Variants in NFAM1 observed in about 807,000 individuals in gnomAD.
NFAM1 encodes NFAT activating protein with ITAM motif 1, also known as NFAT activation molecule 1.
A neutral mutation model predicts 29.0 loss-of-function variants in NFAM1; 17 were observed. The ratio of observed to expected loss-of-function variants is 0.59; its 90% CI spans 0.40 to 0.88. The LOEUF (loss-of-function observed/expected upper bound fraction) is 0.88. Ranked by LOEUF, NFAM1 falls within the 40% of genes least tolerant of loss-of-function variation. The pLI is 0.00. For missense variants in NFAM1, 324 were observed against 344.6 expected, an observed-to-expected ratio of 0.94 and a Z score of 0.47; for synonymous variants, 175 against 147.2, an observed-to-expected ratio of 1.19 and a Z score of -1.36.
rs927558634 is a variant in NFAM1 at position 42,400,755 on chromosome 22, C to T, written c.565-2799G>A. ...CTGCACCACCTGCTTCTTGAGGGCA[C>T]CGTCACAGTCAGAGGTAGTGGTCTG... On this transcript the variant is annotated intron_variant, in intron 3 of 5. Coordinates refer to ENST00000329021, the MANE Select transcript of NFAM1 (RefSeq NM_145912.8). Among the ~76,000 whole-genome samples the T allele has an allele frequency of 2.6e-5, 4 of 152,364 alleles. No homozygotes were observed. In the East Asian group the frequency reaches 7.7e-4, roughly 29 times the overall value.
chr22:42,429,062 G>C (rs867745825), intron 1 of NFAM1, among the ~76,000 whole-genome samples: 1 of 152,184 alleles, frequency 6.6e-6, no homozygotes, highest in Non-Finnish European at 1.5e-5. Context: ...CAAGTGGGAG[G>C]AGGAGGATGG....
intron 1 of NFAM1, among the ~76,000 whole-genome samples, chr22:42,430,695 G>A (rs1447589084): frequency 6.6e-6 from 1 of 152,122 alleles, no homozygotes; most frequent in Non-Finnish European, 1.5e-5. Flanking sequence ...AATACCGGGT[G>A]GGAGGGGGTG....
chr22:42,397,429 G>A (rs945536568), intron 4 of NFAM1, among the ~76,000 whole-genome samples: 1 of 152,222 alleles, frequency 6.6e-6, no homozygotes, highest in Non-Finnish European at 1.5e-5. Flanking sequence ...ACAAATCACT[G>A]ATGTGTTAAG....
intron 1 of NFAM1, among the ~76,000 whole-genome samples, chr22:42,423,224 G>A (rs998050872): frequency 6.6e-6 from 1 of 151,944 alleles, no homozygotes; most frequent in African/African-American, 2.4e-5. Context: ...GCCAGGCCCT[G>A]CCACCAGGAA....
intron 3 of NFAM1, among the ~76,000 whole-genome samples, chr22:42,408,097 T>C (rs988942155): frequency 1.3e-5 from 2 of 152,032 alleles, no homozygotes; most frequent in African/African-American, 2.4e-5. Flanking sequence ...TTTTGCCATG[T>C]TGGCCAGGCT....
chr22:42,395,284 G>A (rs1929482440), intron 4 of NFAM1, among the ~76,000 whole-genome samples: 1 of 151,892 alleles, frequency 6.6e-6, no homozygotes, highest in African/African-American at 2.4e-5. Context: ...GACCAGCCTG[G>A]CCAACATGGC....
Position 42,397,924 on chromosome 22 carries a change from G to A in NFAM1, c.597C>T (p.Thr199=), listed in dbSNP as rs989182055. 3.1e-6 allele frequency: 5 copies of A among 1,610,858 alleles called. No homozygotes were observed. Among genetic ancestry groups the A allele is most frequent in the Non-Finnish European group, 4.2e-6 (5 of 1,178,124 alleles). ...KRMRGPGKDP[T]RKCPDPRSAS... ...CAGATCTTGGATCTGGGCACTTCCT[G>A]GTGGGGTCCTTCCCTGGACCCCGCA... The change falls in exon 4 of 6, where the codon ACC becomes ACT. Residue 199 remains threonine, a synonymous_variant. Coordinates refer to ENST00000329021, the MANE Select transcript of NFAM1 (RefSeq NM_145912.8).
rs760355432 is a variant in NFAM1, at chr22:42,385,204, A to C, written c.770T>G (p.Phe257Cys). 2.5e-6 allele frequency: 4 copies of C among 1,611,058 alleles called. No homozygotes were observed. The highest frequency in any genetic ancestry group is 3.4e-6 in the Non-Finnish European group (4 of 1,177,212). The change falls in exon 6 of 6, where the codon TTC becomes TGC. Residue 257 changes from phenylalanine to cysteine, a missense_variant. By Grantham distance (205) the Phe-to-Cys change is radical (BLOSUM62 -2). Coordinates refer to ENST00000329021, the MANE Select transcript of NFAM1 (RefSeq NM_145912.8). ...SPLSQERPHR[F>C]EDDGELNLVY... ...CAGGTTAAGTTCGCCATCATCTTCG[A>C]ATCTATGCGGTCTCTCCTGGATAGA... is the stretch of plus-strand genomic sequence containing the variant.
At chr22:42,430,421 A>G (rs1930758185) in intron 1 of NFAM1, among the ~76,000 whole-genome samples, 2 of 151,872 alleles carry the variant, frequency 1.3e-5, no homozygotes, top group Non-Finnish European at 2.9e-5. Flanking sequence ...TTAGCTGGGC[A>G]TGGTGGTGGG....
intron 1 of NFAM1, among the ~76,000 whole-genome samples, chr22:42,422,624 CA>C (rs1217256451): frequency 2.0e-5 from 3 of 151,814 alleles, no homozygotes; most frequent in Admixed American, 6.6e-5. Context: ...AAAAGAAGGT[CA>C]AAAAAAGGTC....
intron 1 of NFAM1, among the ~76,000 whole-genome samples, chr22:42,432,009 G>A (rs1489023624): frequency 6.6e-6 from 1 of 152,154 alleles, no homozygotes; most frequent in Non-Finnish European, 1.5e-5. Flanking sequence ...TCACAGCAGC[G>A]AGGGAGAGAG....
rs1037527737 is a variant in NFAM1, at chr22:42,390,222, A to G, written c.664-3144T>C. ...CACATCCTGACGCCTCACATTTGCTACTGAGTGTCCCCACTTCCCTGTGCT... is the reference window on the plus strand; with the variant it reads ...CACATCCTGACGCCTCACATTTGCTGCTGAGTGTCCCCACTTCCCTGTGCT... On this transcript the variant is annotated intron_variant, in intron 4 of 5. Transcript: ENST00000329021. Among the ~76,000 whole-genome samples, 20 of 152,154 alleles carry G rather than the reference A, an allele frequency of 1.3e-4. 1 individual carries two copies. In the South Asian group the frequency reaches 3.3e-3, roughly 25 times the overall value.
At chr22:42,424,512 G>T (rs1288725111) in intron 1 of NFAM1, among the ~76,000 whole-genome samples, 1 of 152,228 alleles carries the variant, frequency 6.6e-6, no homozygotes, top group African/African-American at 2.4e-5. Flanking sequence ...AGCCGAACTT[G>T]TTCAGCTGAA....
intron 4 of NFAM1, among the ~76,000 whole-genome samples, chr22:42,391,214 G>T (rs941517237): frequency 1.3e-5 from 2 of 152,132 alleles, no homozygotes; most frequent in Admixed American, 6.5e-5. Flanking sequence ...CTCCCAGAGG[G>T]TTTCTCTAAT....
rs1201765763 is a variant in NFAM1 at position 42,380,501 on chromosome 22, C to G, written c.*4660G>C. 2.0e-5 allele frequency: 3 copies of G among 152,590 alleles called. No homozygotes were observed. The East Asian group carries it at 5.8e-4, about 29-fold the overall frequency. 9.5% of individuals were successfully genotyped at this position (152,590 alleles called of 1,614,324 possible). ...GACACACACAAAACACACGCCAACA[C>G]CAAGTTCAGAGAGTCTGGCCTGACC... On this transcript the variant is annotated 3_prime_UTR_variant, in exon 6 of 6. Coordinates refer to ENST00000329021, the MANE Select transcript of NFAM1 (RefSeq NM_145912.8).
At chr22:42,404,966 T>C (rs551376270) in intron 3 of NFAM1, among the ~76,000 whole-genome samples, 51 of 151,786 alleles carry the variant, frequency 3.4e-4, no homozygotes, top group African/African-American at 1.1e-3. Context: ...GATCCAAACC[T>C]GACAAGAGGG....
chr22:42,422,375 G>A (rs2146550991), intron 1 of NFAM1, among the ~76,000 whole-genome samples: 1 of 152,246 alleles, frequency 6.6e-6, no homozygotes, highest in East Asian at 1.9e-4. Context: ...GGAAGCTGAG[G>A]CGGGCGGATC....
chr22:42,437,843 CCG>C, the NFAM1 span, among the ~76,000 whole-genome samples: 1 of 152,144 alleles, frequency 6.6e-6, no homozygotes, highest in Non-Finnish European at 1.5e-5. Flanking sequence ...CAAGAGTGTG[CCG>C]GCGGAGGGCT....
intron 1 of NFAM1, among the ~76,000 whole-genome samples, chr22:42,427,719 T>G (rs1444626168): frequency 6.6e-6 from 1 of 152,102 alleles, no homozygotes; most frequent in African/African-American, 2.4e-5. Flanking sequence ...TAATGCTCAG[T>G]GAAAGAAGCG....
Sources: gnomAD v4.1 joint callset for allele counts (sites outside exome capture counted in the v4.1 genomes callset) on GRCh38, gnomAD v4.1.1 for gene constraint, MANE v1.5 for transcripts, NCBI Gene and HGNC (gene_info 2026-07-23, HGNC 2026-07-21) for gene names.